The following TAFA2 variants were observed in gnomAD, a reference collection of about 807,000 sequenced individuals.
The protein encoded by TAFA2 is chemokine-like protein TAFA-2.
TAFA2 carries 7 observed loss-of-function variants against 18.8 expected under a neutral mutation model. That is an observed-to-expected ratio of 0.37 (90% CI 0.21 to 0.70). The LOEUF (loss-of-function observed/expected upper bound fraction) is 0.70, where lower values mean the gene tolerates loss of function less well. Ranked by LOEUF, TAFA2 falls within the 30% of genes least tolerant of loss-of-function variation. The pLI, the probability that TAFA2 is intolerant of heterozygous loss-of-function variation, is 0.53. For synonymous variants in TAFA2, 60 were observed against 54.2 expected, an observed-to-expected ratio of 1.11 and a Z score of -0.47; for missense variants, 122 against 158.1, an observed-to-expected ratio of 0.77 and a Z score of 1.23.
intron 2 of TAFA2, among the ~76,000 whole-genome samples, chr12:61,812,090 T>C (rs1871893826): frequency 6.6e-6 from 1 of 151,378 alleles, no homozygotes; most frequent in Non-Finnish European, 1.5e-5. Context: ...GCCAAAACTA[T>C]GTGACACTTA....
Position 62,180,306 on chromosome 12 carries a change from T to C in TAFA2, c.-2+10953A>G, listed in dbSNP as rs559073422. On this transcript the variant is annotated intron_variant, in intron 1 of 4. Transcript: ENST00000416284. The stretch of plus-strand genomic sequence containing the variant: ...AATTAGATTGAGCTTAGAGCTTAGT[T>C]ACACAAGTCTGAGTGTTTTGGGACA... Among the ~76,000 whole-genome samples, 5 of 152,308 alleles carry C rather than the reference T, an allele frequency of 3.3e-5. No homozygotes were observed. The East Asian group carries it at 7.7e-4, about 24-fold the overall frequency.
At chr12:62,163,415 A>G (rs1463124591) in intron 1 of TAFA2, among the ~76,000 whole-genome samples, 1 of 152,102 alleles carries the variant, frequency 6.6e-6, no homozygotes, top group Non-Finnish European at 1.5e-5. Context: ...AACAGCTAAC[A>G]GCAGTTTGGG....
At chr12:62,215,792 G>A (rs1470363616) in intron 1 of TAFA2, among the ~76,000 whole-genome samples, 2 of 144,674 alleles carry the variant, frequency 1.4e-5, no homozygotes, top group African/African-American at 2.6e-5. Context: ...GTTACATTTT[G>A]TGTGACCTAA....
At chr12:62,061,601 T>G (rs987396113) in intron 1 of TAFA2, among the ~76,000 whole-genome samples, 29 of 152,188 alleles carry the variant, frequency 1.9e-4, no homozygotes, top group Admixed American at 7.2e-4. Flanking sequence ...AAGAAAAATA[T>G]GCTACATTTT....
chr12:61,727,293 A>T (rs1329039230), intron 4 of TAFA2, among the ~76,000 whole-genome samples: 1 of 151,654 alleles, frequency 6.6e-6, no homozygotes, highest in African/African-American at 2.4e-5. Context: ...TTTCTGTAGA[A>T]TTGGTACCAA....
intron 1 of TAFA2, among the ~76,000 whole-genome samples, chr12:62,045,290 T>G (rs768207179): frequency 1.3e-5 from 2 of 152,236 alleles, no homozygotes; most frequent in African/African-American, 4.8e-5. Context: ...TGTTCATGCT[T>G]GGGCTCACAC....
At chr12:62,238,303 T>C (rs2062847109) in intron 1 of TAFA2, among the ~76,000 whole-genome samples, 1 of 152,126 alleles carries the variant, frequency 6.6e-6, no homozygotes. Context: ...AATTCTAGGA[T>C]ACTGCTGGCT....
chr12:62,111,116 G>C (rs774859898), intron 1 of TAFA2, among the ~76,000 whole-genome samples: 18 of 152,000 alleles, frequency 1.2e-4, no homozygotes, highest in South Asian at 2.1e-4. Context: ...TTCTCCTGTG[G>C]GCATTTAGTG....
intron 1 of TAFA2, among the ~76,000 whole-genome samples, chr12:62,048,910 G>T (rs1417690378): frequency 6.6e-6 from 1 of 152,142 alleles, no homozygotes; most frequent in Non-Finnish European, 1.5e-5. Context: ...GTCATCCAAA[G>T]ATTAAACAAT....
chr12:61,763,641 C>A (rs572608083), intron 2 of TAFA2, among the ~76,000 whole-genome samples: 3 of 151,970 alleles, frequency 2.0e-5, no homozygotes, highest in Non-Finnish European at 4.4e-5. Flanking sequence ...GTAAAAGCTG[C>A]AGAACAGACA....
At chr12:62,146,340 G>A (rs1011316494) in intron 1 of TAFA2, among the ~76,000 whole-genome samples, 9 of 142,416 alleles carry the variant, frequency 6.3e-5, no homozygotes, top group African/African-American at 2.4e-4. Context: ...CTGGAGTGCA[G>A]TGGCACAATC....
At chr12:61,885,121 A>C (rs1330468869) in intron 1 of TAFA2, among the ~76,000 whole-genome samples, 4 of 152,156 alleles carry the variant, frequency 2.6e-5, no homozygotes, top group Non-Finnish European at 4.4e-5. Flanking sequence ...CCTGTATTAT[A>C]AAAATAAGAA....
rs546097904 is a variant in TAFA2, at chr12:61,850,865, T to C, written c.106+16455A>G. On this transcript the variant is annotated intron_variant, in intron 2 of 4. Coordinates refer to ENST00000416284, the MANE Select transcript of TAFA2 (RefSeq NM_178539.5). The stretch of plus-strand genomic sequence containing the variant: ...TTCTTCAATATAATGGTAGAGACTT[T>C]TCAAAAGTCAACATTATTCTTAATG... Among the ~76,000 whole-genome samples, 4 of 152,250 alleles carry C rather than the reference T, an allele frequency of 2.6e-5. No individual in the cohort carries two copies. The South Asian group carries it at 8.3e-4, about 32-fold the overall frequency.
chr12:61,857,659 T>A (rs1873939263), intron 2 of TAFA2, among the ~76,000 whole-genome samples: 1 of 152,212 alleles, frequency 6.6e-6, no homozygotes, highest in Non-Finnish European at 1.5e-5. Context: ...TGAACAAGAC[T>A]TTTTCAAAAC....
At chr12:61,835,261 C>T (rs535105897) in intron 2 of TAFA2, among the ~76,000 whole-genome samples, 30 of 152,120 alleles carry the variant, frequency 2.0e-4, no homozygotes, top group African/African-American at 6.0e-4. Flanking sequence ...TAACGATACT[C>T]ACTTTCAAAT....
Position 62,101,621 on chromosome 12 carries a change from T to C in TAFA2, c.-2+89638A>G, listed in dbSNP as rs139080374. Among the ~76,000 whole-genome samples the C allele has an allele frequency of 3.9e-5, 6 of 152,312 alleles. No homozygotes were observed. In the East Asian group the frequency reaches 1.2e-3, roughly 29 times the overall value. ...GCTTCTATAAGAGCAATCCATCAGA[T>C]GGCATGTACCATCACTACCCTACAC... On this transcript the variant is annotated intron_variant, in intron 1 of 4. Transcript: ENST00000416284.
chr12:62,249,654 C>A (rs115010481), intron 1 of TAFA2, among the ~76,000 whole-genome samples: 22 of 152,274 alleles, frequency 1.4e-4, no homozygotes, highest in Non-Finnish European at 2.4e-4. Context: ...TTCCAAATAC[C>A]CATTGTTCCC....
chr12:61,969,954 C>T (rs1368371314), intron 1 of TAFA2, among the ~76,000 whole-genome samples: 1 of 151,390 alleles, frequency 6.6e-6, no homozygotes, highest in East Asian at 1.9e-4. Context: ...GCTACATAGT[C>T]AGAGAAAGGA....
In TAFA2 at chr12:61,916,381, G is replaced by A. The variant is rs188059697; in HGVS notation, c.-1-48955C>T. Among the ~76,000 whole-genome samples, 21 of 152,244 alleles carry A rather than the reference G, an allele frequency of 1.4e-4. 1 individual carries two copies. Among genetic ancestry groups the A allele is most frequent in the African/African-American group, 5.1e-4 (21 of 41,558 alleles). Reference sequence around the variant, plus strand: ...GAATGTTTCATTACACTCCTCGACGGTTGATTGTGAGGATCAAATGTGACA... The same window carrying A: ...GAATGTTTCATTACACTCCTCGACGATTGATTGTGAGGATCAAATGTGACA... On this transcript the variant is annotated intron_variant, in intron 1 of 4. Transcript: ENST00000416284.
Sources: allele counts gnomAD v4.1 joint callset (sites outside exome capture counted in the v4.1 genomes callset), GRCh38; gene constraint gnomAD v4.1.1; transcripts MANE v1.5; gene names NCBI Gene and HGNC (gene_info 2026-07-23, HGNC 2026-07-21).